Variants in ANAPC13 observed in about 807,000 individuals in gnomAD.
ANAPC13 encodes the protein anaphase promoting complex subunit 13, also known as anaphase-promoting complex subunit 13.
Under a neutral mutation model 9.6 loss-of-function variants are expected in ANAPC13, and 9 were observed. That is an observed-to-expected ratio of 0.94 (90% CI 0.57 to 1.64). The LOEUF is 1.64. Ranked by LOEUF, ANAPC13 falls within the 40% of genes most tolerant of loss-of-function variation. The probability of loss-of-function intolerance (pLI) is 0.00; values close to 1 mark genes in which losing one functional copy is unlikely to be tolerated. For synonymous variants in ANAPC13, 30 were observed against 29.7 expected, an observed-to-expected ratio of 1.01 and a Z score of -0.03; for missense variants, 75 against 85.3, an observed-to-expected ratio of 0.88 and a Z score of 0.48.
chr3:134,478,987 T>C (rs1934672113), intron 2 of ANAPC13, among the ~76,000 whole-genome samples: 1 of 152,182 alleles, frequency 6.6e-6, no homozygotes, highest in Non-Finnish European at 1.5e-5. Flanking sequence ...GCAGAGGCTT[T>C]TGGAAGCCAA....
At chr3:134,483,880 T>C (rs1934808763) in intron 1 of ANAPC13, among the ~76,000 whole-genome samples, 1 of 152,222 alleles carries the variant, frequency 6.6e-6, no homozygotes, top group African/African-American at 2.4e-5. Flanking sequence ...GGTGCTTTTT[T>C]CAGAGCTCAG....
intron 1 of ANAPC13, among the ~76,000 whole-genome samples, chr3:134,484,408 A>AC (rs1559831590): frequency 1.4e-4 from 22 of 152,010 alleles, no homozygotes; most frequent in African/African-American, 4.8e-4. Context: ...AACAAAAAAA[A>AC]CCAAAAAGGC....
At chr3:134,479,646 G>A (rs1356169132) in intron 2 of ANAPC13, among the ~76,000 whole-genome samples, 2 of 152,210 alleles carry the variant, frequency 1.3e-5, no homozygotes, top group East Asian at 1.9e-4. Flanking sequence ...ACCGCGCCTG[G>A]CCCAACATGT....
chr3:134,478,428 T>C lies in ANAPC13; in HGVS notation c.*162A>G. On this transcript the variant is annotated 3_prime_UTR_variant, in exon 3 of 3. Transcript: ENST00000354910. The stretch of plus-strand genomic sequence containing the variant: ...ATTCACCATTACTGAGAAATCTCAG[T>C]TTCTCATTCAATTTCGCATTGCACT... 1 of 888,634 alleles carries C rather than the reference T, an allele frequency of 1.1e-6. No homozygotes were observed. The highest frequency in any genetic ancestry group is 1.7e-6 in the Non-Finnish European group (1 of 588,062). The allele number at this position is 888,634 out of a possible 1,614,324, so 55.0% of individuals were successfully genotyped here. A position where few individuals can be genotyped will look rare whatever the true frequency, so the allele number is the denominator to read the frequency against.
intron 1 of ANAPC13, chr3:134,483,211 T>C (rs112519826): frequency 1.1e-5 from 4 of 349,070 alleles, no homozygotes; most frequent in African/African-American, 8.1e-5. Context: ...AATATTAATA[T>C]GTTGCATCTC....
intron 1 of ANAPC13, among the ~76,000 whole-genome samples, chr3:134,483,999 T>A (rs1298538698): frequency 6.6e-6 from 1 of 152,216 alleles, no homozygotes; most frequent in Non-Finnish European, 1.5e-5. Context: ...CTTCGCATAG[T>A]CCAGTTTAGT....
chr3:134,478,632 G>A lies in ANAPC13; in HGVS notation c.183C>T (p.Ala61=). The part of the protein sequence containing the change: ...KEQEMKWTDL[A]LQYLHENVPP... ...GAACATTCTCATGGAGGTACTGTAA[G>A]GCTAAGTCTGTCCACTTCATTTCTT... The change falls in exon 3 of 3, where the codon GCC becomes GCT. Residue 61 remains alanine, a synonymous_variant. Transcript: ENST00000354910. 4 of 1,614,134 alleles carry A rather than the reference G, an allele frequency of 2.5e-6. No individual in the cohort carries two copies. The highest frequency in any genetic ancestry group is 1.7e-5 in the Admixed American group (1 of 60,014).
In ANAPC13 at chr3:134,478,457, C is replaced by G. The variant is rs1193783826; in HGVS notation, c.*133G>C. 5.0e-6 allele frequency: 6 copies of G among 1,198,446 alleles called. No individual in the cohort carries two copies. Among genetic ancestry groups the G allele is most frequent in the Non-Finnish European group, 7.0e-6 (6 of 861,422 alleles). The allele number at this position is 1,198,446 out of a possible 1,614,324, so 74.2% of individuals were successfully genotyped here. A position where few individuals can be genotyped will look rare whatever the true frequency, so the allele number is the denominator to read the frequency against. On this transcript the variant is annotated 3_prime_UTR_variant, in exon 3 of 3. Transcript: ENST00000354910. ...TCATTCAATTTCGCATTGCACTTTG[C>G]TACCACAAACTAAATGGGTGTACAT...
chr3:134,482,735 G>GAT, intron 2 of ANAPC13, 71 bp downstream of exon 2: 1 of 1,206,440 alleles, frequency 8.3e-7, no homozygotes, highest in East Asian at 2.3e-5. Context: ...ATCTTCCATT[G>GAT]ATATCCCTCC....
In ANAPC13 at chr3:134,484,054, G is replaced by A. The variant is rs1235293261; in HGVS notation, c.-27-1123C>T. On this transcript the variant is annotated intron_variant, in intron 1 of 2. Coordinates refer to ENST00000354910, the MANE Select transcript of ANAPC13 (RefSeq NM_015391.4). ...GAGCTCCTGTGCCTAAGAACGCTGAGGTTTGGGCCAAGGCAGGTGGAAGTT... is the reference window on the plus strand; with the variant it reads ...GAGCTCCTGTGCCTAAGAACGCTGAAGTTTGGGCCAAGGCAGGTGGAAGTT... 2.6e-5 allele frequency among the ~76,000 whole-genome samples: 4 copies of A among 152,340 alleles called. No homozygotes were observed. The East Asian group carries it at 7.7e-4, about 29-fold the overall frequency.
intron 2 of ANAPC13, among the ~76,000 whole-genome samples, chr3:134,480,019 T>C (rs1184698417): frequency 6.6e-6 from 1 of 152,262 alleles, no homozygotes; most frequent in Non-Finnish European, 1.5e-5. Flanking sequence ...GTGAATATGT[T>C]TTCCCCTCTA....
rs779259723 is a variant in ANAPC13, at chr3:134,478,726, A to C, written c.100-11T>G. ...TTCAGGAAGCTCATTCTGAAAAGGT[A>C]CAATAGAAATTCAGAACAGTAATAT... is the stretch of plus-strand genomic sequence containing the variant. On this transcript the variant is annotated splice_polypyrimidine_tract_variant and intron_variant, in intron 2 of 2. Transcript: ENST00000354910. 6.2e-7 allele frequency: 1 copy of C among 1,613,586 alleles called. No homozygotes were observed. The highest frequency in any genetic ancestry group is 8.5e-7 in the Non-Finnish European group (1 of 1,179,860).
At chr3:134,483,748 G>C (rs1271066136) in intron 1 of ANAPC13, among the ~76,000 whole-genome samples, 1 of 152,168 alleles carries the variant, frequency 6.6e-6, no homozygotes, top group Non-Finnish European at 1.5e-5. Context: ...CTGCTACCAA[G>C]TGACAATCCA....
At chr3:134,485,838 T>G in intron 1 of ANAPC13, 114 bp downstream of exon 1, 1 of 313,116 alleles carries the variant, frequency 3.2e-6, no homozygotes, top group Non-Finnish European at 4.6e-6. Context: ...GAAAAACGGT[T>G]ATGAGCGTAA....
At chr3:134,483,590 G>C (rs902382052) in intron 1 of ANAPC13, among the ~76,000 whole-genome samples, 1 of 152,136 alleles carries the variant, frequency 6.6e-6, no homozygotes, top group African/African-American at 2.4e-5. Flanking sequence ...TGCTTATTTA[G>C]CTCCTTGACC....
chr3:134,485,144 C>T (rs1934993847), intron 1 of ANAPC13, among the ~76,000 whole-genome samples: 1 of 152,166 alleles, frequency 6.6e-6, no homozygotes, highest in African/African-American at 2.4e-5. Context: ...AGGTCAACAT[C>T]CCATTTCCGG....
chr3:134,483,168 G>T lies in ANAPC13; in HGVS notation c.-27-237C>A, dbSNP rs1934777737. On this transcript the variant is annotated intron_variant, in intron 1 of 2. Coordinates refer to ENST00000354910, the MANE Select transcript of ANAPC13 (RefSeq NM_015391.4). ...CTGACAGACCAGTGTCATAGAGTGTGACAGGAGAGCAACACGTTAAACGAG... is the reference window on the plus strand; with the variant it reads ...CTGACAGACCAGTGTCATAGAGTGTTACAGGAGAGCAACACGTTAAACGAG... 4 of 466,008 alleles carry T rather than the reference G, an allele frequency of 8.6e-6. No homozygotes were observed. In the South Asian group the frequency reaches 1.5e-4, roughly 17 times the overall value. 28.9% of individuals were successfully genotyped at this position (466,008 alleles called of 1,614,324 possible). A position where few individuals can be genotyped will look rare whatever the true frequency, so the allele number is the denominator to read the frequency against.
At chr3:134,482,757 C>T in intron 2 of ANAPC13, 49 bp downstream of exon 2, 1 of 1,438,270 alleles carries the variant, frequency 7.0e-7, no homozygotes, top group Non-Finnish European at 9.8e-7. Flanking sequence ...CCACTAGTTA[C>T]TGCCAGATCA....
At chr3:134,485,783 G>C (rs1440829381) in intron 1 of ANAPC13, 169 bp downstream of exon 1, 1 of 169,046 alleles carries the variant, frequency 5.9e-6, no homozygotes, top group Non-Finnish European at 1.2e-5. Flanking sequence ...GGGAGGTCTG[G>C]GGGTGCCACG....
Sources: gnomAD v4.1 joint callset for allele counts (sites outside exome capture counted in the v4.1 genomes callset) on GRCh38, gnomAD v4.1.1 for gene constraint, MANE v1.5 for transcripts, NCBI Gene and HGNC (gene_info 2026-07-23, HGNC 2026-07-21) for gene names.